Variants in THSD4 observed in about 807,000 individuals in gnomAD.
The protein encoded by THSD4 is thrombospondin type-1 domain-containing protein 4.
THSD4 carries 69 observed loss-of-function variants against 119.0 expected under a neutral mutation model. That is an observed-to-expected ratio of 0.58 (90% CI 0.48 to 0.71). The LOEUF is 0.71. Among genes scored for constraint, THSD4 ranks in the 30% least tolerant of loss-of-function variants. The probability of loss-of-function intolerance (pLI) is 0.00; values close to 1 mark genes in which losing one functional copy is unlikely to be tolerated. For synonymous variants in THSD4, 524 were observed against 540.4 expected (o/e 0.97, Z 0.42); for missense variants, 1,393 against 1,391.1 (o/e 1.00, Z -0.02).
At chr15:71,103,256 T>G (rs1016372497) in intron 1 of THSD4, among the ~76,000 whole-genome samples, 2 of 152,146 alleles carry the variant, frequency 1.3e-5, no homozygotes, top group Non-Finnish European at 2.9e-5. Flanking sequence ...CAGAGTGCAG[T>G]GCTATTCAGA....
rs2053382185 is a variant in THSD4 at position 71,748,462 on chromosome 15, G to A, written c.2283G>A (p.Val761=). ...GCGTGGGACAGAGGACCCGTGATGT[G>A]AAGTGTGTGAGCAACATTGGGGATG... ...PCGVGQRTRD[V]KCVSNIGDVV... is the part of the protein sequence containing the mutation. Residue 761 remains valine, a synonymous_variant, in exon 14 of 18, where the codon GTG becomes GTA. Transcript: ENST00000261862. The A allele has an allele frequency of 6.2e-7, 1 of 1,614,106 alleles. No individual in the cohort carries two copies. The highest frequency in any genetic ancestry group is 1.7e-5 in the Admixed American group (1 of 60,014).
chr15:71,299,785 C>A (rs1200810120), intron 6 of THSD4, among the ~76,000 whole-genome samples: 1 of 151,896 alleles, frequency 6.6e-6, no homozygotes, highest in Non-Finnish European at 1.5e-5. Flanking sequence ...TGTGCCATAA[C>A]ACATATTGTA....
intron 7 of THSD4, among the ~76,000 whole-genome samples, chr15:71,614,131 C>T (rs755715818): frequency 2.0e-5 from 3 of 152,164 alleles, no homozygotes; most frequent in Admixed American, 6.5e-5. Context: ...TTTGGCCAAA[C>T]ATTTTTCTGT....
chr15:71,314,919 A>C (rs2140353971), intron 6 of THSD4, among the ~76,000 whole-genome samples: 1 of 152,266 alleles, frequency 6.6e-6, no homozygotes, highest in Admixed American at 6.5e-5. Context: ...AAGTATTCTT[A>C]TACTTTCACT....
intron 7 of THSD4, among the ~76,000 whole-genome samples, chr15:71,551,546 A>G (rs937790302): frequency 6.6e-6 from 1 of 152,212 alleles, no homozygotes; most frequent in African/African-American, 2.4e-5. Context: ...TACATTGGCA[A>G]TCACAGCTAT....
intron 7 of THSD4, among the ~76,000 whole-genome samples, chr15:71,514,095 C>T (rs139701578): frequency 2.0e-5 from 3 of 152,328 alleles, no homozygotes; most frequent in African/African-American, 7.2e-5. Flanking sequence ...TGCTTGAACT[C>T]AGGCCAACAG....
At chr15:71,736,513 A>G (rs1023632293) in intron 10 of THSD4, among the ~76,000 whole-genome samples, 7 of 89,718 alleles carry the variant, frequency 7.8e-5, no homozygotes, top group African/African-American at 3.1e-4. Context: ...TGCTCTCTCT[A>G]TCTGTGTCTC....
At chr15:71,452,804 G>T (rs184404444) in intron 7 of THSD4, among the ~76,000 whole-genome samples, 4 of 152,176 alleles carry the variant, frequency 2.6e-5, no homozygotes, top group East Asian at 3.9e-4. Context: ...TAGTAGAGAC[G>T]GGGTTTCACC....
intron 7 of THSD4, among the ~76,000 whole-genome samples, chr15:71,545,902 G>A (rs1303883980): frequency 6.6e-6 from 1 of 152,118 alleles, no homozygotes; most frequent in Non-Finnish European, 1.5e-5. Context: ...GCTACGAACT[G>A]CAGTTAGGTT....
intron 6 of THSD4, among the ~76,000 whole-genome samples, chr15:71,371,365 T>C (rs2046044788): frequency 6.6e-6 from 1 of 152,216 alleles, no homozygotes; most frequent in African/African-American, 2.4e-5. Context: ...TGCAGTTTCT[T>C]CCTAGCATCG....
chr15:71,493,687 A>G (rs566711853), intron 7 of THSD4, among the ~76,000 whole-genome samples: 70 of 152,262 alleles, frequency 4.6e-4, no homozygotes, highest in African/African-American at 1.5e-3. Flanking sequence ...GCTGGCATGA[A>G]CTTTCTCTGT....
chr15:71,180,807 C>T (rs2043514054), intron 3 of THSD4, among the ~76,000 whole-genome samples: 1 of 152,060 alleles, frequency 6.6e-6, no homozygotes, highest in Non-Finnish European at 1.5e-5. Context: ...ATGAGGGAAC[C>T]TTCCAGGGTG....
intron 6 of THSD4, among the ~76,000 whole-genome samples, chr15:71,312,630 G>A (rs977101872): frequency 6.6e-6 from 1 of 151,960 alleles, no homozygotes; most frequent in Middle Eastern, 3.4e-3. Flanking sequence ...CCTCTAACCT[G>A]CCAAGCCACA....
rs553205306 is a variant in THSD4 at position 71,193,232 on chromosome 15, A to T, written c.100-21803A>T. 3.3e-5 allele frequency among the ~76,000 whole-genome samples: 5 copies of T among 152,272 alleles called. No homozygotes were observed. In the East Asian group the frequency reaches 9.7e-4, roughly 29 times the overall value. On this transcript the variant is annotated intron_variant, in intron 3 of 17. Transcript: ENST00000261862. ...TTTCTTACTGGGCGTCCACACTCAG[A>T]AAGGACCCCCTCTTTCCTGTAAGCT...
chr15:71,726,923 A>G (rs1354043921), intron 8 of THSD4, among the ~76,000 whole-genome samples: 1 of 151,590 alleles, frequency 6.6e-6, no homozygotes, highest in Non-Finnish European at 1.5e-5. Context: ...GGCAACAAGA[A>G]CGAAACGCCA....
At chr15:71,365,131 T>TTTTGTGTGTGTG (rs147188266) in intron 6 of THSD4, among the ~76,000 whole-genome samples, 10 of 135,824 alleles carry the variant, frequency 7.4e-5, no homozygotes, top group African/African-American at 1.1e-4. Flanking sequence ...GCCCCCCCCA[T>TTTTGTGTGTGTG]TGTGTGTGTG....
At chr15:71,101,711 TC>T (rs776630510) in intron 1 of THSD4, among the ~76,000 whole-genome samples, 35 of 148,434 alleles carry the variant, frequency 2.4e-4, no homozygotes, top group Non-Finnish European at 3.6e-4. Context: ...AGTTTTCTTT[TC>T]TTTTTTATTT....
Position 71,215,276 on chromosome 15 carries a change from T to C in THSD4, c.341T>C (p.Leu114Pro), listed in dbSNP as rs1193396908. ...VVSAVRTSVP[L>P]HRSRDETPAL... ...TCGGCGGTGCGCACGTCGGTGCCACTGCACCGGAGCCGCGACGAGACGCCA... is the reference window on the plus strand; with the variant it reads ...TCGGCGGTGCGCACGTCGGTGCCACCGCACCGGAGCCGCGACGAGACGCCA... Residue 114 changes from leucine (L) to proline (P), a missense_variant, in exon 4 of 18, where the codon CTG becomes CCG. Transcript: ENST00000261862. The C allele has an allele frequency of 1.9e-5, 29 of 1,518,376 alleles. No individual in the cohort carries two copies. The highest frequency in any genetic ancestry group is 2.2e-4 in the Middle Eastern group (1 of 4,486). The allele number at this position is 1,518,376 out of a possible 1,614,324, so 94.1% of individuals were successfully genotyped here.
intron 3 of THSD4, among the ~76,000 whole-genome samples, chr15:71,200,411 A>G (rs2043793679): frequency 1.3e-5 from 2 of 152,112 alleles, no homozygotes; most frequent in African/African-American, 4.8e-5. Context: ...TTTTCACGTC[A>G]TCAGATGGTA....
Sources: allele counts gnomAD v4.1 joint callset (sites outside exome capture counted in the v4.1 genomes callset), GRCh38; gene constraint gnomAD v4.1.1; transcripts MANE v1.5; gene names NCBI Gene and HGNC (gene_info 2026-07-23, HGNC 2026-07-21).